DIDO1: variants seen among roughly 807,000 people sequenced by gnomAD.
DIDO1 encodes death inducer-obliterator 1.
DIDO1 carries 16 observed loss-of-function variants against 99.4 expected under a neutral mutation model. The observed-to-expected ratio is 0.16, with a 90% CI of 0.11 to 0.24. The LOEUF (loss-of-function observed/expected upper bound fraction) is 0.24. DIDO1 is among the 10% of genes least tolerant of loss of function. The pLI is 1.00. For synonymous variants in DIDO1, 1,366 were observed against 1,239.1 expected, an observed-to-expected ratio of 1.10 and a Z score of -2.15; for missense variants, 2,996 against 3,014.0, an observed-to-expected ratio of 0.99 and a Z score of 0.14.
At position 62,880,268 on chromosome 20, in the gene DIDO1, C is replaced by T; in HGVS notation, c.5688G>A (p.Leu1896=). 1 of 1,612,690 alleles carries T rather than the reference C, an allele frequency of 6.2e-7. No individual in the cohort carries two copies. The highest frequency in any genetic ancestry group is 8.5e-7 in the Non-Finnish European group (1 of 1,179,944). Residue 1896 remains leucine, a synonymous_variant, in exon 16 of 16, where the codon CTG becomes CTA. Coordinates refer to ENST00000395343, the MANE Select transcript of DIDO1 (RefSeq NM_001193369.2). The part of the protein sequence containing the change: ...PFQFGGQRRP[L]LSQLKGPRGG... The stretch of plus-strand genomic sequence containing the variant: ...CTCGGGGGCCTTTCAGCTGAGACAG[C>T]AGTGGCCTTCTCTGGCCTCCGAACT...
Position 62,881,275 on chromosome 20 carries a change from G to C in DIDO1, c.4681C>G (p.Arg1561Gly), listed in dbSNP as rs1253696231. The change falls in exon 16 of 16, where the codon CGG becomes GGG. Residue 1561 changes from arginine (R) to glycine (G), a missense_variant. Coordinates refer to ENST00000395343, the MANE Select transcript of DIDO1 (RefSeq NM_001193369.2). The surrounding 1 kb of genome is among the most constrained non-coding windows in gnomAD (Gnocchi z 8.3). ...TCAGTGGCCAGGCGCCTCGCCTGCC[G>C]GGGGTCCCTGTGGTTTGACGCCTGG... ...ASQASNHRDP[R>G]QARRLATETG... is the part of the protein sequence containing the mutation. 1 of 1,603,302 alleles carries C rather than the reference G, an allele frequency of 6.2e-7. No individual in the cohort carries two copies. The highest frequency in any genetic ancestry group is 8.5e-7 in the Non-Finnish European group (1 of 1,178,358).
Position 62,879,881 on chromosome 20 carries a change from G to A in DIDO1, c.6075C>T (p.Pro2025=). The change falls in exon 16 of 16, where the codon CCC becomes CCT. Residue 2025 remains proline (P), a synonymous_variant. Transcript: ENST00000395343. The surrounding 1 kb of genome is among the most constrained non-coding windows in gnomAD (Gnocchi z 6.3). ...APQVMKPGPR[P]LLELPSHPPQ... is the part of the protein sequence containing the mutation. ...GGGGGTGGCTGGGAAGCTCCAGCAG[G>A]GGCCTGGGGCCCGGCTTCATCACCT... 1 of 1,586,352 alleles carries A rather than the reference G, an allele frequency of 6.3e-7. No individual in the cohort carries two copies. The highest frequency in any genetic ancestry group is 8.6e-7 in the Non-Finnish European group (1 of 1,168,974).
intron 15 of DIDO1, chr20:62,887,737 C>T: frequency 2.0e-6 from 2 of 985,492 alleles, no homozygotes; most frequent in Non-Finnish European, 2.4e-6. Flanking sequence ...CATCTCCCTT[C>T]CATGAACAAG....
chr20:62,896,449 G>T lies in DIDO1; in HGVS notation c.2055-57C>A. On this transcript the variant is annotated intron_variant, in intron 7 of 15. Coordinates refer to ENST00000395343, the MANE Select transcript of DIDO1 (RefSeq NM_001193369.2). This position sits in a 1 kb window ranked among gnomAD's most constrained non-coding sequence, Gnocchi z 4.4. ...GACACTTGTGTATATTAAACTTTTT[G>T]AACAGTGAGGCAATCCTGCAGCCAC... The T allele has an allele frequency of 6.3e-7, 1 of 1,590,216 alleles. No individual in the cohort carries two copies. The highest frequency in any genetic ancestry group is 8.5e-7 in the Non-Finnish European group (1 of 1,172,462).
chr20:62,936,469 C>T (rs1314682185), intron 1 of DIDO1, among the ~76,000 whole-genome samples: 3 of 151,880 alleles, frequency 2.0e-5, no homozygotes, highest in Non-Finnish European at 4.4e-5. Context: ...GCAGGAGAAT[C>T]ACTTGAACCC....
At position 62,900,500 on chromosome 20, in the gene DIDO1, G is replaced by A. The variant is rs778408167; in HGVS notation, c.1589-3504C>T. ...CCCCACTGGAGGATGGTGCTACTCC[G>A]CTCCTCTCTGCAGAACCCATCCAAT... On this transcript the variant is annotated intron_variant, in intron 6 of 15. Coordinates refer to ENST00000395343, the MANE Select transcript of DIDO1 (RefSeq NM_001193369.2). 3.9e-5 allele frequency among the ~76,000 whole-genome samples: 6 copies of A among 152,204 alleles called. No individual in the cohort carries two copies. In the South Asian group the frequency reaches 8.3e-4, roughly 21 times the overall value.
intron 15 of DIDO1, among the ~76,000 whole-genome samples, chr20:62,885,845 G>C (rs1028503297): frequency 6.6e-6 from 1 of 152,202 alleles, no homozygotes; most frequent in Admixed American, 6.5e-5. Context: ...TGGACCTTGG[G>C]AGCCATCTTC....
At chr20:62,888,605 T>A in intron 15 of DIDO1, 4 of 985,568 alleles carry the variant, frequency 4.1e-6, no homozygotes, top group Non-Finnish European at 4.8e-6. Flanking sequence ...GCTATCTCCG[T>A]GAGGACAGGG....
rs2064471183 is a variant in DIDO1 at position 62,894,472 on chromosome 20, T to C, written c.2513A>G (p.Lys838Arg). The C allele has an allele frequency of 6.2e-7, 1 of 1,613,500 alleles. No individual in the cohort carries two copies. The highest frequency in any genetic ancestry group is 1.7e-5 in the Admixed American group (1 of 59,998). ...PLLDVFSSML[K>R]DTTSQHRAHL... Reference sequence around the variant, plus strand: ...TGCGCGGTGCTGACTGGTGGTGTCTTTCAACATGCTGCTGAAGACGTCGAG... The same window carrying C: ...TGCGCGGTGCTGACTGGTGGTGTCTCTCAACATGCTGCTGAAGACGTCGAG... The change falls in exon 11 of 16, where the codon AAA (lysine) becomes AGA (arginine). Residue 838 changes from lysine (K) to arginine (R), a missense_variant. Lys to Arg is a conservative substitution (Grantham distance 26). Transcript: ENST00000395343. This position sits in a 1 kb window ranked among gnomAD's most constrained non-coding sequence, Gnocchi z 4.4.
chr20:62,930,295 C>T (rs2065320133), upstream of DIDO1, among the ~76,000 whole-genome samples: 1 of 152,044 alleles, frequency 6.6e-6, no homozygotes, highest in African/African-American at 2.4e-5. Context: ...AACAGCACTG[C>T]CAGAAAAGGC....
intron 6 of DIDO1, among the ~76,000 whole-genome samples, chr20:62,902,445 C>A (rs1316524662): frequency 6.6e-6 from 1 of 152,140 alleles, no homozygotes; most frequent in South Asian, 2.1e-4. Context: ...CGTTTTATTG[C>A]CGCTGACAAC....
rs544806719 is a variant in DIDO1, at chr20:62,880,716, T to A, written c.5240A>T (p.Gln1747Leu). The change falls in exon 16 of 16, where the codon CAG (glutamine) becomes CTG (leucine). Residue 1747 changes from glutamine to leucine, a missense_variant. Physicochemically the swap from Gln to Leu is moderately radical, Grantham distance 113. Around this residue, in one of 5 missense-constraint regions of DIDO1, gnomAD observed 1,562 missense variants for 1,412.6 expected, o/e 1.11. Coordinates refer to ENST00000395343, the MANE Select transcript of DIDO1 (RefSeq NM_001193369.2). ...TTCCCGCTGACCCTGAAACGGGGGC[T>A]GAGAGCCCCCCACTTTCTGTCCTGG... is the stretch of plus-strand genomic sequence containing the variant. ...PPPGQKVGGS[Q>L]PPFQGQREPG... 3 of 1,612,690 alleles carry A rather than the reference T, an allele frequency of 1.9e-6. No individual in the cohort carries two copies. In the East Asian group the frequency reaches 6.7e-5, roughly 36 times the overall value.
In DIDO1 at chr20:62,911,951, T is replaced by C. The variant is rs780167859; in HGVS notation, c.-2-337A>G. Among the ~76,000 whole-genome samples the C allele has an allele frequency of 2.0e-5, 3 of 152,072 alleles. No homozygotes were observed. The highest frequency in any genetic ancestry group is 2.9e-5 in the Non-Finnish European group (2 of 68,020). On this transcript the variant is annotated intron_variant, in intron 2 of 15. Coordinates refer to ENST00000395343, the MANE Select transcript of DIDO1 (RefSeq NM_001193369.2). This position sits in a 1 kb window ranked among gnomAD's most constrained non-coding sequence, Gnocchi z 7.0. ...ATTGGACAGTATAGCAGGGTAAGGA[T>C]GTGAGTAAGGACGTGAGCAAGGACG...
chr20:62,892,061 T>C lies in DIDO1; in HGVS notation c.3271A>G (p.Ile1091Val), dbSNP rs147747319. The change falls in exon 14 of 16, where the codon ATT (isoleucine) becomes GTT (valine). Residue 1091 changes from isoleucine (I) to valine (V), a missense_variant. Physicochemically the swap from Ile to Val is conservative, Grantham distance 29. This residue lies in a region of DIDO1 where 135 missense variants were observed against 202.3 expected (regional missense o/e 0.67). Coordinates refer to ENST00000395343, the MANE Select transcript of DIDO1 (RefSeq NM_001193369.2). ...DYLSEDLPDT[I>V]HIGGRIAPKT... ...GGTGCGATCCTCCCACCAATGTGAA[T>C]TGTGTCAGGCAAATCCTAAACAGAA... The C allele has an allele frequency of 1.9e-5, 31 of 1,612,530 alleles. No homozygotes were observed. In the African/African-American group the frequency reaches 2.5e-4, roughly 13 times the overall value.
At chr20:62,886,036 G>A (rs77284721) in intron 15 of DIDO1, among the ~76,000 whole-genome samples, 2,722 of 152,356 alleles carry the variant, frequency 0.018, 33 homozygotes, top group Non-Finnish European at 0.029. Context: ...AGAGTGCCCC[G>A]GGAAGGTGCA....
rs1419048369 is a variant in DIDO1 at position 62,879,857 on chromosome 20, G to C, written c.6099C>G (p.Pro2033=). 8.1e-6 allele frequency: 13 copies of C among 1,596,764 alleles called. No individual in the cohort carries two copies. The highest frequency in any genetic ancestry group is 3.3e-5 in the South Asian group (3 of 89,630). ...CCCAGCGGTCCTTCCGGTGCTGCGG[G>C]GGGTGGCTGGGAAGCTCCAGCAGGG... ...PRPLLELPSH[P]PQHRKDRWEE... is the part of the protein sequence containing the mutation. Residue 2033 remains proline, a synonymous_variant, in exon 16 of 16, where the codon CCC becomes CCG. Coordinates refer to ENST00000395343, the MANE Select transcript of DIDO1 (RefSeq NM_001193369.2). The surrounding 1 kb of genome is among the most constrained non-coding windows in gnomAD (Gnocchi z 6.3).
chr20:62,929,135 G>A (rs2065296929), upstream of DIDO1: 1 of 152,262 alleles, frequency 6.6e-6, no homozygotes, highest in Admixed American at 6.5e-5. Flanking sequence ...AAGCGAAGGA[G>A]CACCAGCGCT....
chr20:62,907,310 T>C lies in DIDO1; in HGVS notation c.1211A>G (p.His404Arg). 6.2e-7 allele frequency: 1 copy of C among 1,614,234 alleles called. No homozygotes were observed. The highest frequency in any genetic ancestry group is 1.3e-5 in the African/African-American group (1 of 75,070). Reference protein sequence around the residue: ...ASKCIGPGCCHVAQPDSVYCS... With the variant: ...ASKCIGPGCCRVAQPDSVYCS... ...GTACACCGAGTCGGGCTGCGCCACG[T>C]GACAGCACCCGGGGCCAATACATTT... Residue 404 changes from histidine (H) to arginine (R), a missense_variant, in exon 5 of 16, where the codon CAC becomes CGC. Around this residue, in one of 5 missense-constraint regions of DIDO1, gnomAD observed 898 missense variants for 972.7 expected, o/e 0.92. Transcript: ENST00000395343.
intron 15 of DIDO1, among the ~76,000 whole-genome samples, 176 bp from the exon 16 acceptor site, chr20:62,882,590 A>AGGAACACACCGCCCCG (rs1555837500): frequency 1.3e-5 from 2 of 150,790 alleles, no homozygotes; most frequent in African/African-American, 4.9e-5. Flanking sequence ...ATTCCGCCCC[A>AGGAACACACCGCCCCG]GGAACGCACC....
Sources: gnomAD v4.1 joint callset for allele counts (sites outside exome capture counted in the v4.1 genomes callset) on GRCh38, gnomAD v4.1.1 for gene constraint, gnomAD v4.1.1 regional missense constraint, Gnocchi (gnomAD v3.1) non-coding constraint, MANE v1.5 for transcripts, NCBI Gene and HGNC (gene_info 2026-07-23, HGNC 2026-07-21) for gene names.